The following RBFOX1 variants were observed in gnomAD, a reference collection of about 807,000 sequenced individuals.
The protein encoded by RBFOX1 is RNA binding protein fox-1 homolog 1.
RBFOX1 carries 8 observed loss-of-function variants against 57.7 expected under a neutral mutation model. The observed-to-expected ratio is 0.14, with a 90% CI of 0.08 to 0.25. The LOEUF (loss-of-function observed/expected upper bound fraction) is 0.25, where lower values mean the gene tolerates loss of function less well. Among genes scored for constraint, RBFOX1 ranks in the 10% least tolerant of loss-of-function variants. RBFOX1 has a pLI of 1.00. For missense variants in RBFOX1, 611 were observed against 548.5 expected (o/e 1.11, Z -1.14); for synonymous variants, 326 against 222.4 (o/e 1.47, Z -4.15).
intron 1 of RBFOX1, among the ~76,000 whole-genome samples, chr16:6,210,316 T>A (rs2097284970): frequency 1.1e-4 from 4 of 36,980 alleles, no homozygotes; most frequent in Non-Finnish European, 1.2e-4. Context: ...CAATTCTGTC[T>A]GAAAAAAAAA....
chr16:5,546,597 C>T (rs1474322222), intron 2 of RBFOX1, among the ~76,000 whole-genome samples: 4 of 152,078 alleles, frequency 2.6e-5, no homozygotes, highest in African/African-American at 9.7e-5. Flanking sequence ...GTGGCATATA[C>T]AAAAATTAAC....
At chr16:6,870,547 G>C (rs1016059187) in intron 3 of RBFOX1, among the ~76,000 whole-genome samples, 2 of 152,170 alleles carry the variant, frequency 1.3e-5, no homozygotes, top group African/African-American at 4.8e-5. Flanking sequence ...GGATCACCTT[G>C]TATAACTTTT....
intron 2 of RBFOX1, among the ~76,000 whole-genome samples, chr16:5,546,703 T>A (rs1314924410): frequency 6.6e-6 from 1 of 152,132 alleles, no homozygotes; most frequent in African/African-American, 2.4e-5. Flanking sequence ...TAGGCAAAAA[T>A]TTCTTAGATA....
At chr16:5,264,949 G>A (rs895274828) in intron 1 of RBFOX1, among the ~76,000 whole-genome samples, 7 of 152,102 alleles carry the variant, frequency 4.6e-5, no homozygotes, top group Non-Finnish European at 7.4e-5. Flanking sequence ...AGATTTAGGA[G>A]TTGTTATTGC....
chr16:7,661,324 A>C (rs539629839), intron 12 of RBFOX1, among the ~76,000 whole-genome samples: 13 of 152,228 alleles, frequency 8.5e-5, no homozygotes, highest in Non-Finnish European at 1.6e-4. Flanking sequence ...TTTTGCTGTG[A>C]AGCCACCATA....
intron 3 of RBFOX1, among the ~76,000 whole-genome samples, chr16:6,982,113 G>A (rs1364758238): frequency 6.6e-6 from 1 of 152,100 alleles, no homozygotes; most frequent in Non-Finnish European, 1.5e-5. Flanking sequence ...CCGCACCAAT[G>A]ACTAAACCAA....
At position 6,776,929 on chromosome 16, in the gene RBFOX1, G is replaced by A. The variant is rs542739222; in HGVS notation, c.-16+122279G>A. Among the ~76,000 whole-genome samples, 22 of 152,274 alleles carry A rather than the reference G, an allele frequency of 1.4e-4. No individual in the cohort carries two copies. In the South Asian group the frequency reaches 4.4e-3, roughly 30 times the overall value. The stretch of plus-strand genomic sequence containing the variant: ...ATTTTTAATGGGAAATGTACACCTG[G>A]CTTTGTATTGTTCATAAATTATCTG... On this transcript the variant is annotated intron_variant, in intron 3 of 15. Coordinates refer to ENST00000550418, the MANE Select transcript of RBFOX1 (RefSeq NM_018723.4).
intron 3 of RBFOX1, among the ~76,000 whole-genome samples, chr16:6,893,738 C>T (rs1487260266): frequency 2.6e-5 from 4 of 152,200 alleles, no homozygotes; most frequent in Non-Finnish European, 5.9e-5. Context: ...TTTTCATTTG[C>T]ATTTATCATG....
intron 3 of RBFOX1, among the ~76,000 whole-genome samples, chr16:6,947,690 C>G (rs951181557): frequency 7.2e-5 from 11 of 152,222 alleles, no homozygotes; most frequent in African/African-American, 2.7e-4. Flanking sequence ...TATGACTTCT[C>G]TGAGCCTCAG....
intron 2 of RBFOX1, among the ~76,000 whole-genome samples, chr16:6,571,859 GGAT>G (rs1381248498): frequency 2.6e-5 from 4 of 152,118 alleles, no homozygotes; most frequent in Non-Finnish European, 2.9e-5. Flanking sequence ...GTTTGATTGA[GGAT>G]GATATTTCTT....
intron 5 of RBFOX1, among the ~76,000 whole-genome samples, chr16:7,579,402 G>C (rs751709013): frequency 2.0e-5 from 3 of 151,766 alleles, no homozygotes; most frequent in Non-Finnish European, 2.9e-5. Context: ...TGAGGTTCTC[G>C]CTCCCCACCT....
chr16:7,671,754 G>A (rs1401138137), intron 13 of RBFOX1, among the ~76,000 whole-genome samples: 3 of 152,170 alleles, frequency 2.0e-5, no homozygotes, highest in African/African-American at 7.2e-5. Flanking sequence ...AAATCTCCTA[G>A]AATAGAGGTG....
intron 1 of RBFOX1, among the ~76,000 whole-genome samples, chr16:5,434,100 G>A (rs983402291): frequency 6.6e-6 from 1 of 152,126 alleles, no homozygotes; most frequent in African/African-American, 2.4e-5. Flanking sequence ...GTAATCTGCA[G>A]ACCTGTACAG....
intron 3 of RBFOX1, among the ~76,000 whole-genome samples, chr16:5,616,764 C>G (rs978302040): frequency 6.7e-6 from 1 of 148,472 alleles, no homozygotes; most frequent in African/African-American, 2.5e-5. Context: ...TCCTGTCCCC[C>G]CTTCTCCCCT....
intron 1 of RBFOX1, among the ~76,000 whole-genome samples, chr16:6,144,879 T>C (rs1369194608): frequency 6.6e-6 from 1 of 152,194 alleles, no homozygotes; most frequent in Non-Finnish European, 1.5e-5. Flanking sequence ...CTTGACAGAA[T>C]AGTTTGTCCA....
chr16:7,277,624 A>G (rs1250913965), intron 4 of RBFOX1, among the ~76,000 whole-genome samples: 1 of 152,120 alleles, frequency 6.6e-6, no homozygotes, highest in East Asian at 1.9e-4. Flanking sequence ...ATTATTTCTT[A>G]GTCTCAGTGG....
intron 1 of RBFOX1, among the ~76,000 whole-genome samples, chr16:6,167,068 C>G (rs1296165638): frequency 6.6e-6 from 1 of 152,216 alleles, no homozygotes; most frequent in Non-Finnish European, 1.5e-5. Context: ...CCATCCTGCC[C>G]TGCCTTGCCT....
At chr16:6,148,654 A>G (rs145548005) in intron 1 of RBFOX1, among the ~76,000 whole-genome samples, 2,918 of 152,322 alleles carry the variant, frequency 0.019, 50 homozygotes, top group South Asian at 0.032. Context: ...AATGCTGGTG[A>G]TGTAGAACAG....
intron 3 of RBFOX1, among the ~76,000 whole-genome samples, chr16:6,892,872 C>A (rs780768880): frequency 6.7e-6 from 1 of 149,740 alleles, no homozygotes; most frequent in Non-Finnish European, 1.5e-5. Flanking sequence ...TGTCTGATTT[C>A]TGTCTCTGCT....
Sources: allele counts gnomAD v4.1 joint callset (sites outside exome capture counted in the v4.1 genomes callset), GRCh38; gene constraint gnomAD v4.1.1; transcripts MANE v1.5; gene names NCBI Gene and HGNC (gene_info 2026-07-23, HGNC 2026-07-21).